RSPO2: variants seen among roughly 807,000 people sequenced by gnomAD.
RSPO2 encodes the protein R-spondin 2, also known as R-spondin-2.
In RSPO2, 14 loss-of-function variants were observed where a neutral mutation model predicts 30.9. The ratio of observed to expected loss-of-function variants is 0.45; its 90% confidence interval spans 0.30 to 0.71. The LOEUF is 0.71. Ranked by LOEUF, RSPO2 falls within the 30% of genes least tolerant of loss-of-function variation. The pLI is 0.08. For synonymous variants in RSPO2, 107 were observed against 96.4 expected, an observed-to-expected ratio of 1.11 and a Z score of -0.64; for missense variants, 264 against 301.9, an observed-to-expected ratio of 0.87 and a Z score of 0.93.
rs955048712 is a variant in RSPO2 at position 108,020,687 on chromosome 8, A to G, written c.95-31443T>C. Among the ~76,000 whole-genome samples the G allele has an allele frequency of 3.9e-5, 6 of 152,188 alleles. No homozygotes were observed. In the East Asian group the frequency reaches 1.2e-3, roughly 29 times the overall value. On this transcript the variant is annotated intron_variant, in intron 2 of 5. Transcript: ENST00000276659. ...TACTTGCTATGTCCTACACATTAGG[A>G]ACACAATAATAAGTATAAAAATGAT...
At chr8:108,020,740 A>G (rs1370872353) in intron 2 of RSPO2, among the ~76,000 whole-genome samples, 1 of 152,202 alleles carries the variant, frequency 6.6e-6, no homozygotes, top group Non-Finnish European at 1.5e-5. Context: ...ATAAAGGAAC[A>G]TGCAATCTCC....
intron 5 of RSPO2, among the ~76,000 whole-genome samples, chr8:107,901,788 AGTT>A (rs1291181520): frequency 2.6e-5 from 4 of 152,204 alleles, no homozygotes; most frequent in Non-Finnish European, 5.9e-5. Flanking sequence ...CCCCTGGACA[AGTT>A]GTTGTTATTA....
chr8:107,995,243 A>C (rs1201088517), intron 2 of RSPO2, among the ~76,000 whole-genome samples: 1 of 152,070 alleles, frequency 6.6e-6, no homozygotes, highest in Non-Finnish European at 1.5e-5. Context: ...AATAATTCTC[A>C]TTTAATACTT....
intron 2 of RSPO2, among the ~76,000 whole-genome samples, chr8:107,994,774 G>A (rs952679044): frequency 6.6e-6 from 1 of 151,998 alleles, no homozygotes; most frequent in Non-Finnish European, 1.5e-5. Context: ...GAAACTTTTA[G>A]CTTTGAGACT....
At chr8:108,057,311 C>G (rs935100423) in intron 2 of RSPO2, among the ~76,000 whole-genome samples, 6 of 151,916 alleles carry the variant, frequency 3.9e-5, no homozygotes, top group Non-Finnish European at 2.9e-5. Flanking sequence ...GGAAAAACAT[C>G]TGGAAGGATA....
chr8:107,978,937 T>C (rs372839173), intron 3 of RSPO2, among the ~76,000 whole-genome samples: 1 of 152,168 alleles, frequency 6.6e-6, no homozygotes, highest in Non-Finnish European at 1.5e-5. Context: ...AAAATGCTCA[T>C]CATCACTGGC....
intron 2 of RSPO2, among the ~76,000 whole-genome samples, chr8:108,056,756 T>C (rs111880071): frequency 1.3e-5 from 2 of 151,010 alleles, no homozygotes; most frequent in African/African-American, 4.9e-5. Context: ...AAATGATTCC[T>C]AAGATAAAAA....
At chr8:108,027,534 G>T (rs1811262574) in intron 2 of RSPO2, among the ~76,000 whole-genome samples, 1 of 152,000 alleles carries the variant, frequency 6.6e-6, no homozygotes, top group Non-Finnish European at 1.5e-5. Context: ...TATTACCAAA[G>T]CATTTTTATT....
chr8:107,944,209 C>T (rs561147231), intron 5 of RSPO2, among the ~76,000 whole-genome samples: 84 of 152,078 alleles, frequency 5.5e-4, no homozygotes, highest in Middle Eastern at 6.8e-3. Flanking sequence ...GATTGTATCA[C>T]CAAAAAGTGA....
At chr8:107,976,738 G>A (rs1329120620) in intron 3 of RSPO2, among the ~76,000 whole-genome samples, 1 of 152,170 alleles carries the variant, frequency 6.6e-6, no homozygotes, top group African/African-American at 2.4e-5. Flanking sequence ...AGCAAGAAGG[G>A]AGTCTGGCTG....
At chr8:108,058,915 TA>T (rs1218086451) in intron 2 of RSPO2, among the ~76,000 whole-genome samples, 2 of 151,640 alleles carry the variant, frequency 1.3e-5, no homozygotes, top group East Asian at 1.9e-4. Flanking sequence ...ACCTAGGCAT[TA>T]CCATTCAGGA....
intron 2 of RSPO2, among the ~76,000 whole-genome samples, chr8:108,040,271 T>C (rs1046750331): frequency 6.6e-6 from 1 of 152,122 alleles, no homozygotes; most frequent in African/African-American, 2.4e-5. Flanking sequence ...AATAGCTACA[T>C]TAACAGACAG....
At chr8:107,996,786 C>T in intron 2 of RSPO2, 3 of 305,366 alleles carry the variant, frequency 9.8e-6, no homozygotes, top group Non-Finnish European at 1.9e-5. Flanking sequence ...TCATCTTGAC[C>T]ACAAAGATCT....
chr8:107,952,788 C>G (rs547413890), intron 5 of RSPO2, among the ~76,000 whole-genome samples: 1 of 151,980 alleles, frequency 6.6e-6, no homozygotes, highest in Non-Finnish European at 1.5e-5. Flanking sequence ...TATACACACA[C>G]GAAAAAACAT....
chr8:107,943,467 G>C (rs1472609256), intron 5 of RSPO2, among the ~76,000 whole-genome samples: 3 of 152,142 alleles, frequency 2.0e-5, no homozygotes, highest in African/African-American at 7.2e-5. Context: ...TAAAAGGAAC[G>C]GTTCAAATTA....
At chr8:107,926,407 T>C (rs2130328265) in intron 5 of RSPO2, among the ~76,000 whole-genome samples, 1 of 152,222 alleles carries the variant, frequency 6.6e-6, no homozygotes, top group South Asian at 2.1e-4. Context: ...TTAGTTTAAT[T>C]AGATCCCATT....
At chr8:107,901,303 G>A in intron 5 of RSPO2, 113 bp from the exon 6 acceptor site, 3 of 1,165,576 alleles carry the variant, frequency 2.6e-6, no homozygotes, top group Non-Finnish European at 2.4e-6. Flanking sequence ...CATCACCTAT[G>A]GAAAAAGCCT....
At chr8:107,901,946 A>C (rs1811486299) in intron 5 of RSPO2, among the ~76,000 whole-genome samples, 1 of 152,218 alleles carries the variant, frequency 6.6e-6, no homozygotes, top group East Asian at 1.9e-4. Flanking sequence ...GTTTTCCTCC[A>C]GCAGGAATTT....
intron 5 of RSPO2, among the ~76,000 whole-genome samples, chr8:107,936,646 C>A (rs1426752213): frequency 6.6e-6 from 1 of 152,116 alleles, no homozygotes; most frequent in African/African-American, 2.4e-5. Flanking sequence ...TAATAATAAC[C>A]TTTCTAACTA....
Sources: gnomAD v4.1 joint callset for allele counts (sites outside exome capture counted in the v4.1 genomes callset) on GRCh38, gnomAD v4.1.1 for gene constraint, MANE v1.5 for transcripts, NCBI Gene and HGNC (gene_info 2026-07-23, HGNC 2026-07-21) for gene names.